SLC38A4: variants seen among roughly 807,000 people sequenced by gnomAD.
SLC38A4 encodes sodium-coupled neutral amino acid transporter 4.
Under a neutral mutation model 63.1 loss-of-function variants are expected in SLC38A4, and 20 were observed. The ratio of observed to expected loss-of-function variants is 0.32; its 90% CI spans 0.22 to 0.46. The LOEUF (loss-of-function observed/expected upper bound fraction) is 0.46. Among genes scored for constraint, SLC38A4 ranks in the 20% least tolerant of loss-of-function variants. The probability of loss-of-function intolerance (pLI) is 1.00; values close to 1 mark genes in which losing one functional copy is unlikely to be tolerated. For synonymous variants in SLC38A4, 230 were observed against 225.5 expected (o/e 1.02, Z -0.18); for missense variants, 526 against 663.6 (o/e 0.79, Z 2.28).
At chr12:46,807,477 G>T (rs2120879014) in intron 1 of SLC38A4, among the ~76,000 whole-genome samples, 1 of 151,982 alleles carries the variant, frequency 6.6e-6, no homozygotes, top group South Asian at 2.1e-4. Flanking sequence ...ACTGCAGAAA[G>T]AAACAATATT....
At chr12:46,788,144 A>G (rs1381418538) in intron 4 of SLC38A4, 113 bp from the exon 5 acceptor site, 5 of 712,368 alleles carry the variant, frequency 7.0e-6, no homozygotes. Context: ...GAAGACTAAG[A>G]TAACATTACA....
chr12:46,793,066 A>G lies in SLC38A4; in HGVS notation c.6T>C (p.Asp2=), dbSNP rs1430968738. 1.2e-6 allele frequency: 2 copies of G among 1,611,952 alleles called. No homozygotes were observed. Residue 2 remains aspartate (D), a synonymous_variant, in exon 3 of 17, where the codon GAT becomes GAC. Transcript: ENST00000266579. M[D]PMELRNVNIE... ...TGTTGACATTTCTCAGTTCCATGGG[A>G]TCCATTTGAGCTGTCAGCGCTTTCT...
chr12:46,784,398 T>G (rs1258658424), intron 7 of SLC38A4, 144 bp downstream of exon 7: 14 of 488,688 alleles, frequency 2.9e-5, no homozygotes, highest in Admixed American at 1.9e-4. Context: ...CAAACCTATT[T>G]AAGAAACTAT....
At chr12:46,796,503 A>G (rs1297369883) in intron 2 of SLC38A4, among the ~76,000 whole-genome samples, 1 of 152,138 alleles carries the variant, frequency 6.6e-6, no homozygotes, top group African/African-American at 2.4e-5. Context: ...GCTGGTACTC[A>G]GAGCTTCTCT....
intron 1 of SLC38A4, among the ~76,000 whole-genome samples, chr12:46,810,377 C>T (rs1435519335): frequency 4.0e-5 from 6 of 151,402 alleles, no homozygotes; most frequent in Non-Finnish European, 7.4e-5. Context: ...CATCACACAC[C>T]GGGGCTGTCG....
At chr12:46,787,875 A>G (rs1938795292) in intron 5 of SLC38A4, 41 bp downstream of exon 5, 10 of 1,453,512 alleles carry the variant, frequency 6.9e-6, no homozygotes, top group Non-Finnish European at 9.6e-6. Context: ...CCAGGTATGC[A>G]TGGACTTCAT....
At chr12:46,808,867 A>T (rs1939287184) in intron 1 of SLC38A4, among the ~76,000 whole-genome samples, 1 of 152,094 alleles carries the variant, frequency 6.6e-6, no homozygotes, top group South Asian at 2.1e-4. Flanking sequence ...AAGTATAACA[A>T]TACTTCCTGA....
chr12:46,803,247 T>C (rs1255708170), intron 2 of SLC38A4, among the ~76,000 whole-genome samples: 1 of 152,056 alleles, frequency 6.6e-6, no homozygotes, highest in African/African-American at 2.4e-5. Flanking sequence ...TCATATTTTT[T>C]CCTAAGACAG....
At chr12:46,768,887 A>T (rs770982672) in intron 15 of SLC38A4, among the ~76,000 whole-genome samples, 2 of 152,082 alleles carry the variant, frequency 1.3e-5, no homozygotes, top group Admixed American at 6.6e-5. Flanking sequence ...TCAACCTCCT[A>T]TTCCTCTGAA....
intron 2 of SLC38A4, among the ~76,000 whole-genome samples, chr12:46,796,896 T>G (rs977097741): frequency 1.3e-4 from 20 of 152,122 alleles, no homozygotes; most frequent in Non-Finnish European, 2.6e-4. Context: ...TCTTTGTCTT[T>G]ATCGACTTAA....
chr12:46,830,400 GAAC>G (rs758005322), upstream of SLC38A4, among the ~76,000 whole-genome samples: 10 of 151,820 alleles, frequency 6.6e-5, no homozygotes, highest in African/African-American at 1.2e-4. Context: ...CTTGTAGTGG[GAAC>G]AACAACAAAA....
chr12:46,766,575 G>A lies in SLC38A4; in HGVS notation c.*126C>T. On this transcript the variant is annotated 3_prime_UTR_variant, in exon 17 of 17. Coordinates refer to ENST00000266579, the MANE Select transcript of SLC38A4 (RefSeq NM_018018.5). ...TCTGCAGGTGCCTGGTGATATTACT[G>A]GTAAACGTCTTTGGAATCTTCCTGT... The A allele has an allele frequency of 5.3e-6, 4 of 761,728 alleles. No individual in the cohort carries two copies. Among genetic ancestry groups the A allele is most frequent in the South Asian group, 4.4e-5 (3 of 67,696 alleles). The allele number at this position is 761,728 out of a possible 1,614,324, so 47.2% of individuals were successfully genotyped here.
intron 2 of SLC38A4, among the ~76,000 whole-genome samples, chr12:46,800,477 T>C (rs919351921): frequency 6.6e-6 from 1 of 152,034 alleles, no homozygotes; most frequent in Non-Finnish European, 1.5e-5. Context: ...CTTAAGGCAC[T>C]GTTCCCTCTG....
At position 46,802,796 on chromosome 12, in the gene SLC38A4, T is replaced by C. The variant is rs1939157979; in HGVS notation, c.-113+807A>G. On this transcript the variant is annotated intron_variant, in intron 2 of 16. Coordinates refer to ENST00000266579, the MANE Select transcript of SLC38A4 (RefSeq NM_018018.5). ...AGTTACAAAACACTCTTAGTTTTAC[T>C]ATACCCTGGGCATTTAACTAAAACC... Among the ~76,000 whole-genome samples the C allele has an allele frequency of 2.0e-5, 3 of 152,028 alleles. No homozygotes were observed. The South Asian group carries it at 6.2e-4, about 32-fold the overall frequency.
chr12:46,798,747 G>A (rs921196023), intron 2 of SLC38A4, among the ~76,000 whole-genome samples: 15 of 152,064 alleles, frequency 9.9e-5, no homozygotes, highest in African/African-American at 3.6e-4. Flanking sequence ...ACTGTTTTAA[G>A]GCCTTACATC....
intron 1 of SLC38A4, among the ~76,000 whole-genome samples, chr12:46,808,898 C>G (rs910704894): frequency 2.6e-5 from 4 of 151,972 alleles, no homozygotes; most frequent in Non-Finnish European, 5.9e-5. Flanking sequence ...ACCTTGTTAA[C>G]GTAAGTTCTT....
At chr12:46,788,672 G>C in intron 3 of SLC38A4, 54 bp from the exon 4 acceptor site, 1 of 1,450,008 alleles carries the variant, frequency 6.9e-7, no homozygotes, top group Admixed American at 1.7e-5. Context: ...TATATGCTCT[G>C]AATCATATGT....
At position 46,766,269 on chromosome 12, in the gene SLC38A4, T is replaced by C. The variant is rs556206017; in HGVS notation, c.*432A>G. The C allele has an allele frequency of 1.7e-5, 7 of 417,256 alleles. No individual in the cohort carries two copies. In the East Asian group the frequency reaches 5.0e-4, roughly 30 times the overall value. The allele number at this position is 417,256 out of a possible 1,614,324, so 25.8% of individuals were successfully genotyped here. On this transcript the variant is annotated 3_prime_UTR_variant, in exon 17 of 17. Transcript: ENST00000266579. ...TTTGGTGCAAGACTGAGAGAAGACA[T>C]TAAATGGTGATAGCTTTGCCACCAG...
chr12:46,774,549 T>G (rs997265519), intron 14 of SLC38A4, among the ~76,000 whole-genome samples: 1 of 151,972 alleles, frequency 6.6e-6, no homozygotes, highest in African/African-American at 2.4e-5. Context: ...TTTGAAAAAT[T>G]TTTTTCTGGT....
Sources: allele counts gnomAD v4.1 joint callset (sites outside exome capture counted in the v4.1 genomes callset), GRCh38; gene constraint gnomAD v4.1.1; transcripts MANE v1.5; gene names NCBI Gene and HGNC (gene_info 2026-07-23, HGNC 2026-07-21).